The following METTL8 variants were observed in gnomAD, a reference collection of about 807,000 sequenced individuals.
The protein encoded by METTL8 is methyltransferase 8, tRNA N3-cytidine.
Under a neutral mutation model 48.7 loss-of-function variants are expected in METTL8, and 32 were observed. The ratio of observed to expected loss-of-function variants is 0.66; its 90% confidence interval spans 0.50 to 0.88. METTL8 has a LOEUF of 0.88. Ranked by LOEUF, METTL8 falls within the 40% of genes least tolerant of loss-of-function variation. The pLI is 0.00. For synonymous variants in METTL8, 136 were observed against 157.1 expected (o/e 0.87, Z 1.01); for missense variants, 464 against 474.4 (o/e 0.98, Z 0.20).
In METTL8 at chr2:171,318,219, T is replaced by A. The variant is rs1684354562; in HGVS notation, c.*5953A>T. On this transcript the variant is annotated 3_prime_UTR_variant, in exon 10 of 10. Coordinates refer to ENST00000375258, the MANE Select transcript of METTL8 (RefSeq NM_001321154.2). ...ATTTATAACTACACCAAAGCCATCT[T>A]GCGGGTACCTTTGCGCCTCTCAAAT... 6.6e-6 allele frequency: 1 copy of A among 152,236 alleles called. No homozygotes were observed. The highest frequency in any genetic ancestry group is 1.5e-5 in the Non-Finnish European group (1 of 68,038). 9.4% of individuals were successfully genotyped at this position (152,236 alleles called of 1,614,324 possible).
At chr2:171,411,850 T>C (rs922953989) in intron 1 of METTL8, among the ~76,000 whole-genome samples, 2 of 152,198 alleles carry the variant, frequency 1.3e-5, no homozygotes, top group Non-Finnish European at 2.9e-5. Context: ...TGGGAAAATA[T>C]GCTATAAAAG....
intron 6 of METTL8, among the ~76,000 whole-genome samples, chr2:171,331,236 A>G (rs972481141): frequency 2.6e-5 from 4 of 151,812 alleles, no homozygotes; most frequent in Admixed American, 2.6e-4. Flanking sequence ...TCAGCCTCCC[A>G]AGTAGCTGGG....
At position 171,368,390 on chromosome 2, in the gene METTL8, C is replaced by T. The variant is rs547982127; in HGVS notation, c.144-7877G>A. ...TAGTTATTTAGACTTGGGTATGTGG[C>T]ATATAGTTTCTCAAAAGTAAACAAA... On this transcript the variant is annotated intron_variant, in intron 2 of 9. Coordinates refer to ENST00000375258, the MANE Select transcript of METTL8 (RefSeq NM_001321154.2). 3.3e-5 allele frequency among the ~76,000 whole-genome samples: 5 copies of T among 152,184 alleles called. No individual in the cohort carries two copies. The East Asian group carries it at 7.7e-4, about 23-fold the overall frequency.
intron 2 of METTL8, among the ~76,000 whole-genome samples, chr2:171,373,251 T>C (rs948127509): frequency 2.0e-5 from 3 of 152,256 alleles, no homozygotes; most frequent in Non-Finnish European, 4.4e-5. Flanking sequence ...TGAGCATTTT[T>C]TCATGTGTCT....
At chr2:171,390,439 TA>T (rs1352778887) in intron 2 of METTL8, among the ~76,000 whole-genome samples, 1 of 152,248 alleles carries the variant, frequency 6.6e-6, no homozygotes, top group Non-Finnish European at 1.5e-5. Context: ...GTAATTCCTC[TA>T]GTGGATCTGG....
upstream of METTL8, chr2:171,434,596 C>T (rs1693671239): frequency 3.3e-6 from 5 of 1,527,818 alleles, no homozygotes; most frequent in South Asian, 2.4e-5. Flanking sequence ...GACCCGGAAG[C>T]CCAACGTGTG....
chr2:171,428,954 A>AG (rs1692691820), intron 1 of METTL8, among the ~76,000 whole-genome samples: 1 of 152,234 alleles, frequency 6.6e-6, no homozygotes, highest in Admixed American at 6.5e-5. Context: ...GGGCAAGATA[A>AG]TGAAAACATG....
chr2:171,410,073 A>G (rs1356045329), intron 1 of METTL8, among the ~76,000 whole-genome samples: 1 of 152,234 alleles, frequency 6.6e-6, no homozygotes, highest in Non-Finnish European at 1.5e-5. Context: ...CTGCTAAAGA[A>G]TAATTGAGAA....
intron 2 of METTL8, among the ~76,000 whole-genome samples, chr2:171,379,503 G>A (rs1466291068): frequency 2.0e-5 from 3 of 150,970 alleles, no homozygotes; most frequent in South Asian, 2.1e-4. Flanking sequence ...TGATAAAATA[G>A]ATAGACTGCT....
In METTL8 at chr2:171,352,473, C is replaced by A. The variant is rs185439020; in HGVS notation, c.235+7949G>T. Among the ~76,000 whole-genome samples, 4 of 152,254 alleles carry A rather than the reference C, an allele frequency of 2.6e-5. No individual in the cohort carries two copies. The East Asian group carries it at 7.7e-4, about 29-fold the overall frequency. On this transcript the variant is annotated intron_variant, in intron 3 of 9. Transcript: ENST00000375258. The stretch of plus-strand genomic sequence containing the variant: ...GCCAGGCTTTGGTATCAGGATGATG[C>A]TGGCCTCATAAAATGAGTTAGGGAG...
intron 1 of METTL8, among the ~76,000 whole-genome samples, chr2:171,431,142 G>A (rs78345641): frequency 3.9e-4 from 60 of 152,288 alleles, no homozygotes; most frequent in African/African-American, 1.3e-3. Flanking sequence ...AACCTACGAC[G>A]TGCCCCAAAA....
rs1406195084 is a variant in METTL8 at position 171,319,277 on chromosome 2, TAA to T, written c.*4893_*4894del. 6.6e-6 allele frequency: 1 copy of T among 152,158 alleles called. No individual in the cohort carries two copies. The highest frequency in any genetic ancestry group is 1.9e-4 in the East Asian group (1 of 5,200). The allele number at this position is 152,158 out of a possible 1,614,324, so 9.4% of individuals were successfully genotyped here. ...GCGGGGAAAATACCCACGCCAACAC[TAA>T]GTCTCCTGATGACTAACAGAGGCAG... On this transcript the variant is annotated 3_prime_UTR_variant, in exon 10 of 10. Transcript: ENST00000375258.
At chr2:171,355,014 A>T (rs1684371898) in intron 3 of METTL8, among the ~76,000 whole-genome samples, 1 of 152,202 alleles carries the variant, frequency 6.6e-6, no homozygotes, top group Non-Finnish European at 1.5e-5. Context: ...GCTGGCGAGG[A>T]ACCGCGTTCC....
chr2:171,412,988 T>C (rs748014894), intron 1 of METTL8, among the ~76,000 whole-genome samples: 1 of 152,218 alleles, frequency 6.6e-6, no homozygotes, highest in Non-Finnish European at 1.5e-5. Context: ...ACAAGATATT[T>C]TTGGCACTAT....
chr2:171,326,185 T>TATTAAAA lies in METTL8; in HGVS notation c.861-38_861-37insTTTTAAT. ...AAGTATTAAAAAGATACCCAGTTTG[T>TATTAAAA]AGAAATCTTGTTTTATATGCTGGAT... On this transcript the variant is annotated intron_variant, in intron 7 of 9. Transcript: ENST00000375258. The TATTAAAA allele has an allele frequency of 4.3e-6, 5 of 1,157,948 alleles. No homozygotes were observed. In the African/African-American group the frequency reaches 6.2e-5, roughly 14 times the overall value. The allele number at this position is 1,157,948 out of a possible 1,614,324, so 71.7% of individuals were successfully genotyped here. A position where few individuals can be genotyped will look rare whatever the true frequency, so the allele number is the denominator to read the frequency against.
At chr2:171,346,774 T>C (rs1687303793) in intron 3 of METTL8, among the ~76,000 whole-genome samples, 1 of 152,230 alleles carries the variant, frequency 6.6e-6, no homozygotes, top group African/African-American at 2.4e-5. Flanking sequence ...TCTCAGTGTT[T>C]GAAAGTAGAG....
Position 171,372,217 on chromosome 2 carries a change from A to G in METTL8, c.144-11704T>C, listed in dbSNP as rs946861450. On this transcript the variant is annotated intron_variant, in intron 2 of 9. Coordinates refer to ENST00000375258, the MANE Select transcript of METTL8 (RefSeq NM_001321154.2). ...CTCAAAATTTTGAGAAGTTGGAATC[A>G]GTATTAAAGAATACAGAATTTGCCA... is the stretch of plus-strand genomic sequence containing the variant. 2.0e-5 allele frequency among the ~76,000 whole-genome samples: 3 copies of G among 152,162 alleles called. No homozygotes were observed. The East Asian group carries it at 5.8e-4, about 29-fold the overall frequency.
chr2:171,375,383 G>A (rs1440381215), intron 2 of METTL8: 11 of 620,316 alleles, frequency 1.8e-5, no homozygotes, highest in Non-Finnish European at 3.1e-5. Flanking sequence ...CAAATAAACT[G>A]CCAAGTTGTA....
intron 3 of METTL8, 103 bp from the exon 4 acceptor site, chr2:171,339,657 AATTAT>A (rs1686501046): frequency 1.9e-6 from 1 of 522,566 alleles, no homozygotes; most frequent in Non-Finnish European, 3.1e-6. Context: ...CATTTATAAC[AATTAT>A]ATTTACAAAT....
Sources: gnomAD v4.1 joint callset for allele counts (sites outside exome capture counted in the v4.1 genomes callset) on GRCh38, gnomAD v4.1.1 for gene constraint, MANE v1.5 for transcripts, NCBI Gene and HGNC (gene_info 2026-07-23, HGNC 2026-07-21) for gene names.